RFTN1: variants seen among roughly 807,000 people sequenced by gnomAD.
The protein encoded by RFTN1 is raftlin, lipid raft linker 1.
RFTN1 carries 26 observed loss-of-function variants against 46.5 expected under a neutral mutation model. The observed-to-expected ratio is 0.56, with a 90% CI of 0.41 to 0.78. The LOEUF (loss-of-function observed/expected upper bound fraction) is 0.78. RFTN1 is among the 30% of genes least tolerant of loss of function. RFTN1 has a pLI of 0.00. For missense variants in RFTN1, 693 were observed against 718.7 expected, an observed-to-expected ratio of 0.96 and a Z score of 0.41; for synonymous variants, 261 against 284.2, an observed-to-expected ratio of 0.92 and a Z score of 0.82.
chr3:16,409,290 G>A, intron 4 of RFTN1, 85 bp downstream of exon 4: 1 of 914,144 alleles, frequency 1.1e-6, no homozygotes, highest in Non-Finnish European at 1.8e-6. Context: ...GAGTGTGGCT[G>A]ATCTGTCCTA....
intron 2 of RFTN1, among the ~76,000 whole-genome samples, chr3:16,467,542 C>A (rs1172389544): frequency 6.6e-6 from 1 of 152,154 alleles, no homozygotes. Flanking sequence ...CACATGCTGA[C>A]CCCGGAAGGA....
At chr3:16,340,686 T>A (rs534900722) in intron 7 of RFTN1, among the ~76,000 whole-genome samples, 1 of 152,236 alleles carries the variant, frequency 6.6e-6, no homozygotes, top group Non-Finnish European at 1.5e-5. Context: ...GGAAGGTAAC[T>A]CTGCAGTTAT....
In RFTN1 at chr3:16,345,264, T is replaced by TTTGTGTGTGTGTGTGTGTG. The variant is rs1491581919; in HGVS notation, c.1146+12667_1146+12668insCACACACACACACACACAA. On this transcript the variant is annotated intron_variant, in intron 7 of 9. Transcript: ENST00000334133. The surrounding 1 kb of genome is among the most constrained non-coding windows in gnomAD (Gnocchi z 5.2). ...AAACTGTAAGATAATAAGTAGGTGG[T>TTTGTGTGTGTGTGTGTGTG]TGTGTGTGTGTGTGTGTGTGTGTGT... 29 of 145,926 alleles carry TTTGTGTGTGTGTGTGTGTG rather than the reference T, an allele frequency of 2.0e-4. No individual in the cohort carries two copies. Among genetic ancestry groups the TTTGTGTGTGTGTGTGTGTG allele is most frequent in the African/African-American group, 7.7e-4 (29 of 37,848 alleles). The allele number at this position is 145,926 out of a possible 1,614,324, so 9.0% of individuals were successfully genotyped here.
At position 16,351,695 on chromosome 3, in the gene RFTN1, A is replaced by G. The variant is rs2072113723; in HGVS notation, c.1146+6237T>C. Among the ~76,000 whole-genome samples the G allele has an allele frequency of 6.6e-6, 1 of 152,170 alleles. No homozygotes were observed. Among genetic ancestry groups the G allele is most frequent in the East Asian group, 1.9e-4 (1 of 5,196 alleles). On this transcript the variant is annotated intron_variant, in intron 7 of 9. Transcript: ENST00000334133. The surrounding 1 kb of genome is among the most constrained non-coding windows in gnomAD (Gnocchi z 5.4). ...CAGGGGTAAGCTGTATATAAGTTAG[A>G]CCCATTATCCTAATTACATGTCTTA...
intron 2 of RFTN1, among the ~76,000 whole-genome samples, chr3:16,453,738 C>T (rs1446537606): frequency 6.6e-6 from 1 of 152,178 alleles, no homozygotes; most frequent in East Asian, 1.9e-4. Context: ...AATAGTTACA[C>T]AGTGGTTACA....
chr3:16,485,130 AG>A (rs2124977192), intron 2 of RFTN1, among the ~76,000 whole-genome samples: 1 of 152,352 alleles, frequency 6.6e-6, no homozygotes, highest in Admixed American at 6.5e-5. Flanking sequence ...CCCCAACAGA[AG>A]TGAAAACATC....
chr3:16,428,353 C>CT lies in RFTN1; in HGVS notation c.332+5497dup, dbSNP rs942093841. ...CCAGCTTACCTCCCCTTGGGGTTCA[C>CT]TGTTGGAAAAGCAATCTGATCTAGT... On this transcript the variant is annotated intron_variant, in intron 3 of 9. Transcript: ENST00000334133. The surrounding 1 kb of genome is among the most constrained non-coding windows in gnomAD (Gnocchi z 4.7). Among the ~76,000 whole-genome samples the CT allele has an allele frequency of 1.3e-5, 2 of 152,210 alleles. No individual in the cohort carries two copies. The highest frequency in any genetic ancestry group is 4.8e-5 in the African/African-American group (2 of 41,452).
chr3:16,504,584 C>T lies in RFTN1; in HGVS notation c.-9+8858G>A, dbSNP rs773352501. 2.0e-5 allele frequency among the ~76,000 whole-genome samples: 3 copies of T among 152,264 alleles called. No individual in the cohort carries two copies. Among genetic ancestry groups the T allele is most frequent in the Middle Eastern group, 3.4e-3 (1 of 294 alleles). On this transcript the variant is annotated intron_variant, in intron 1 of 9. Transcript: ENST00000334133. This position sits in a 1 kb window ranked among gnomAD's most constrained non-coding sequence, Gnocchi z 4.4. ...CCTGTGCCTTTGCTGCAGTGCCTTG[C>T]GGTATCTTAGCACAGAATTTGGGAA...
In RFTN1 at chr3:16,400,097, A is replaced by G. The variant is rs1439429000; in HGVS notation, c.441+9278T>C. On this transcript the variant is annotated intron_variant, in intron 4 of 9. Coordinates refer to ENST00000334133, the MANE Select transcript of RFTN1 (RefSeq NM_015150.2). The surrounding 1 kb of genome is among the most constrained non-coding windows in gnomAD (Gnocchi z 4.5). Reference sequence around the variant, plus strand: ...CTCCAGCTGCTCCTGAAAGCCCTCCAGCAGCTTTGCACTACACTTAGGATA... The same window carrying G: ...CTCCAGCTGCTCCTGAAAGCCCTCCGGCAGCTTTGCACTACACTTAGGATA... 6.6e-6 allele frequency among the ~76,000 whole-genome samples: 1 copy of G among 152,190 alleles called. No individual in the cohort carries two copies. The highest frequency in any genetic ancestry group is 1.5e-5 in the Non-Finnish European group (1 of 68,034).
intron 3 of RFTN1, among the ~76,000 whole-genome samples, chr3:16,423,635 G>A (rs776351350): frequency 6.6e-6 from 1 of 152,134 alleles, no homozygotes; most frequent in Non-Finnish European, 1.5e-5. Flanking sequence ...GCCAGCCACA[G>A]CAGTAAATAA....
At chr3:16,391,426 CA>C (rs2074338862) in intron 4 of RFTN1, among the ~76,000 whole-genome samples, 1 of 152,156 alleles carries the variant, frequency 6.6e-6, no homozygotes, top group African/African-American at 2.4e-5. Flanking sequence ...CATAAGAAGT[CA>C]AAAGTGATCC....
At chr3:16,392,844 C>A (rs1378628804) in intron 4 of RFTN1, among the ~76,000 whole-genome samples, 1 of 152,024 alleles carries the variant, frequency 6.6e-6, no homozygotes, top group East Asian at 1.9e-4. Flanking sequence ...CCCAACCATG[C>A]CAGATACTGA....
At chr3:16,394,923 A>G (rs1442927587) in intron 4 of RFTN1, among the ~76,000 whole-genome samples, 6 of 152,184 alleles carry the variant, frequency 3.9e-5, no homozygotes, top group Non-Finnish European at 8.8e-5. Context: ...TTTGGAAGAA[A>G]GTAAATAGGA....
rs371626480 is a variant in RFTN1, at chr3:16,465,220, T to TA, written c.145+28504dup. Among the ~76,000 whole-genome samples, 13,703 of 137,642 alleles carry TA rather than the reference T, an allele frequency of 0.1. 679 individuals are homozygous for TA. The highest frequency in any genetic ancestry group is 0.14 in the Middle Eastern group (38 of 276). 90.3% of individuals were successfully genotyped at this position (137,642 alleles called of 152,430 possible). Reference sequence around the variant, plus strand: ...ACTATTCAAGGATGCCACTTCAAGGTAAAAAAAAAAAAAGCCTTAGTATTT... The same window carrying TA: ...ACTATTCAAGGATGCCACTTCAAGGTAAAAAAAAAAAAAAGCCTTAGTATTT... On this transcript the variant is annotated intron_variant, in intron 2 of 9. Transcript: ENST00000334133. The surrounding 1 kb of genome is among the most constrained non-coding windows in gnomAD (Gnocchi z 5.1).
At chr3:16,441,579 C>G (rs987820847) in intron 2 of RFTN1, among the ~76,000 whole-genome samples, 3 of 152,208 alleles carry the variant, frequency 2.0e-5, no homozygotes, top group African/African-American at 7.2e-5. Context: ...CCGCATACAG[C>G]AACTGCCCAT....
At chr3:16,503,638 G>C (rs1261473707) in intron 1 of RFTN1, among the ~76,000 whole-genome samples, 1 of 152,106 alleles carries the variant, frequency 6.6e-6, no homozygotes, top group Non-Finnish European at 1.5e-5. Context: ...CTCCAGGACT[G>C]AGAACCACAG....
intron 4 of RFTN1, among the ~76,000 whole-genome samples, chr3:16,392,202 G>A (rs2074368161): frequency 2.0e-5 from 3 of 152,094 alleles, no homozygotes; most frequent in African/African-American, 7.2e-5. Flanking sequence ...AACCTTATGT[G>A]GGTTGTAATT....
intron 4 of RFTN1, among the ~76,000 whole-genome samples, chr3:16,401,700 C>T (rs776538174): frequency 6.6e-6 from 1 of 152,218 alleles, no homozygotes; most frequent in Non-Finnish European, 1.5e-5. Flanking sequence ...CCACAGATAG[C>T]GTGAGACAAA....
chr3:16,508,337 T>C (rs2076843835), intron 1 of RFTN1, among the ~76,000 whole-genome samples: 1 of 152,208 alleles, frequency 6.6e-6, no homozygotes, highest in Non-Finnish European at 1.5e-5. Flanking sequence ...GTACCCCAAA[T>C]GGTGTCTCCT....
Sources: gnomAD v4.1 joint callset for allele counts (sites outside exome capture counted in the v4.1 genomes callset) on GRCh38, gnomAD v4.1.1 for gene constraint, Gnocchi (gnomAD v3.1) non-coding constraint, MANE v1.5 for transcripts, NCBI Gene and HGNC (gene_info 2026-07-23, HGNC 2026-07-21) for gene names.